The following RARB variants were observed in gnomAD, a reference collection of about 807,000 sequenced individuals.
The protein encoded by RARB is HBV-activated protein.
Under a neutral mutation model 51.9 loss-of-function variants are expected in RARB, and 17 were observed. The observed-to-expected ratio is 0.33, with a 90% CI of 0.22 to 0.49. RARB has a LOEUF of 0.49. Ranked by LOEUF, RARB falls within the 20% of genes least tolerant of loss-of-function variation. The pLI is 0.99. For synonymous variants in RARB, 215 were observed against 195.4 expected (o/e 1.10, Z -0.84); for missense variants, 369 against 550.8 (o/e 0.67, Z 3.30).
At chr3:25,574,117 T>G (rs374891061) in intron 4 of RARB, among the ~76,000 whole-genome samples, 120 of 152,230 alleles carry the variant, frequency 7.9e-4, no homozygotes, top group African/African-American at 2.5e-3. Flanking sequence ...CAAAATAGAA[T>G]CAGGACTGAA....
chr3:25,530,362 G>C (rs183528932), intron 3 of RARB, among the ~76,000 whole-genome samples: 2 of 152,208 alleles, frequency 1.3e-5, no homozygotes, highest in Non-Finnish European at 1.5e-5. Context: ...ACAAATTACC[G>C]CACATTTAGC....
intron 4 of RARB, among the ~76,000 whole-genome samples, chr3:25,171,734 T>TA (rs1185428272): frequency 6.8e-6 from 1 of 146,562 alleles, no homozygotes; most frequent in Non-Finnish European, 1.5e-5. Context: ...GTTAATGAGG[T>TA]AGTTTGTCAA....
intron 2 of RARB, among the ~76,000 whole-genome samples, chr3:24,932,683 T>C (rs1695466197): frequency 6.6e-6 from 1 of 152,134 alleles, no homozygotes; most frequent in Non-Finnish European, 1.5e-5. Context: ...GCCAATAGCA[T>C]TGCTTTCAAC....
chr3:25,200,288 G>C (rs1401006468), intron 5 of RARB, among the ~76,000 whole-genome samples: 1 of 149,104 alleles, frequency 6.7e-6, no homozygotes. Context: ...CTTTCTGGTG[G>C]GTTTTTTTTT....
chr3:25,342,572 CCTT>C (rs1194393250), intron 5 of RARB, among the ~76,000 whole-genome samples: 2 of 152,138 alleles, frequency 1.3e-5, no homozygotes, highest in African/African-American at 4.8e-5. Flanking sequence ...CAAGTACCAA[CCTT>C]CTTTTTTTTA....
chr3:25,040,498 C>A (rs1440877612), intron 2 of RARB, among the ~76,000 whole-genome samples: 3 of 152,124 alleles, frequency 2.0e-5, no homozygotes, highest in African/African-American at 7.2e-5. Context: ...TTTGGGAGGC[C>A]TAGGTCGGCA....
chr3:25,429,731 A>G (rs1708128142), intron 1 of RARB, among the ~76,000 whole-genome samples: 1 of 152,234 alleles, frequency 6.6e-6, no homozygotes, highest in Admixed American at 6.5e-5. Flanking sequence ...CACCTGGTCA[A>G]CAGTAGCCTG....
chr3:25,134,035 T>G (rs1699994054), intron 4 of RARB, among the ~76,000 whole-genome samples: 1 of 151,454 alleles, frequency 6.6e-6, no homozygotes, highest in Non-Finnish European at 1.5e-5. Flanking sequence ...TTCCTAACAA[T>G]GTGCTCTTCT....
intron 5 of RARB, among the ~76,000 whole-genome samples, chr3:25,208,602 C>G (rs533157933): frequency 6.6e-6 from 1 of 152,086 alleles, no homozygotes; most frequent in African/African-American, 2.4e-5. Flanking sequence ...CTCTCTTTGT[C>G]TATTCTTTTT....
rs187614922 is a variant in RARB, at chr3:24,988,202, T to G, written c.-379-71923T>G. On this transcript the variant is annotated intron_variant, in intron 2 of 11. Coordinates refer to the RARB transcript ENST00000383772. ...ATTTATCTGTATATTGTTGTATATGTAAATATGATTGATACGAATATACTT... is the reference window on the plus strand; with the variant it reads ...ATTTATCTGTATATTGTTGTATATGGAAATATGATTGATACGAATATACTT... Among the ~76,000 whole-genome samples the G allele has an allele frequency of 1.9e-3, 290 of 152,348 alleles. 2 individuals carry two copies. The highest frequency in any genetic ancestry group is 2.7e-3 in the Non-Finnish European group (187 of 68,036).
chr3:25,131,167 C>A (rs1699947895), intron 3 of RARB, among the ~76,000 whole-genome samples: 1 of 151,682 alleles, frequency 6.6e-6, no homozygotes. Flanking sequence ...GAAATCAAAC[C>A]CAAAAGTTAT....
At chr3:25,175,771 C>T (rs181147319) in intron 5 of RARB, among the ~76,000 whole-genome samples, 8 of 152,222 alleles carry the variant, frequency 5.3e-5, no homozygotes, top group Admixed American at 2.0e-4. Flanking sequence ...TTCTGTGTTT[C>T]GAATTTCTGG....
intron 2 of RARB, among the ~76,000 whole-genome samples, chr3:24,903,086 G>GA (rs1339386756): frequency 3.3e-5 from 5 of 151,958 alleles, no homozygotes; most frequent in Non-Finnish European, 7.4e-5. Context: ...TAGAATTTAT[G>GA]AAAAATCTCC....
chr3:25,567,294 C>G (rs1700535726), intron 3 of RARB, among the ~76,000 whole-genome samples: 1 of 152,196 alleles, frequency 6.6e-6, no homozygotes, highest in Non-Finnish European at 1.5e-5. Flanking sequence ...CGTTAGCACT[C>G]CCGATCCTCC....
intron 3 of RARB, among the ~76,000 whole-genome samples, chr3:25,552,506 C>A (rs1575512075): frequency 6.6e-6 from 1 of 152,004 alleles, no homozygotes; most frequent in South Asian, 2.1e-4. Context: ...CTTGTTAGGG[C>A]AACTTGACCT....
chr3:25,345,883 T>C lies in RARB; in HGVS notation c.179-115310T>C, dbSNP rs1052347560. On this transcript the variant is annotated intron_variant, in intron 5 of 11. Coordinates refer to the RARB transcript ENST00000383772. ...TTCTTAAAACAACCACCACTAAATA[T>C]GTATAATTATCACATGTCAGTTTAA... 12 of 912,748 alleles carry C rather than the reference T, an allele frequency of 1.3e-5. No homozygotes were observed. In the African/African-American group the frequency reaches 1.8e-4, roughly 14 times the overall value. The allele number at this position is 912,748 out of a possible 1,614,324, so 56.5% of individuals were successfully genotyped here.
rs779808875 is a variant in RARB, at chr3:24,853,150, T to TAA, written c.-458-5508_-458-5507dup. 2.8e-3 allele frequency among the ~76,000 whole-genome samples: 365 copies of TAA among 129,078 alleles called. 1 individual carries two copies. Among genetic ancestry groups the TAA allele is most frequent in the African/African-American group, 1.0e-2 (355 of 35,518 alleles). The allele number at this position is 129,078 out of a possible 152,430, so 84.7% of individuals were successfully genotyped here. A position where few individuals can be genotyped will look rare whatever the true frequency, so the allele number is the denominator to read the frequency against. Reference sequence around the variant, plus strand: ...TAACACGGTGAAACCCTGTCTTTACTAAAAAAAAAAAAAAAAATTAGCCAG... The same window carrying TAA: ...TAACACGGTGAAACCCTGTCTTTACTAAAAAAAAAAAAAAAAAAATTAGCCAG... On this transcript the variant is annotated intron_variant, in intron 1 of 11. Transcript: ENST00000383772.
intron 2 of RARB, among the ~76,000 whole-genome samples, chr3:25,014,011 G>T (rs1697454845): frequency 6.6e-6 from 1 of 151,980 alleles, no homozygotes; most frequent in African/African-American, 2.4e-5. Context: ...TCTCAACTTT[G>T]AATTTCCTCC....
chr3:24,971,593 T>C (rs1284255442), intron 2 of RARB, among the ~76,000 whole-genome samples: 2 of 152,070 alleles, frequency 1.3e-5, no homozygotes, highest in Non-Finnish European at 2.9e-5. Context: ...GAGTGCTGTT[T>C]TAGAAGAGAC....
Sources: gnomAD v4.1 joint callset for allele counts (sites outside exome capture counted in the v4.1 genomes callset) on GRCh38, gnomAD v4.1.1 for gene constraint, MANE v1.5 for transcripts, NCBI Gene and HGNC (gene_info 2026-07-23, HGNC 2026-07-21) for gene names.